Variants in DRD2 observed in about 807,000 individuals in gnomAD.
The protein encoded by DRD2 is dopamine receptor D2.
Under a neutral mutation model 38.0 loss-of-function variants are expected in DRD2, and 8 were observed. The observed-to-expected ratio is 0.21, with a 90% CI of 0.12 to 0.38. The LOEUF (loss-of-function observed/expected upper bound fraction) is 0.38. Among genes scored for constraint, DRD2 ranks in the 10% least tolerant of loss-of-function variants. The pLI, the probability that DRD2 is intolerant of heterozygous loss-of-function variation, is 1.00. For missense variants in DRD2, 403 were observed against 607.7 expected (o/e 0.66, Z 3.54); for synonymous variants, 230 against 238.6 (o/e 0.96, Z 0.33).
In DRD2 at chr11:113,412,671, A is replaced by G. The variant is rs1054271642; in HGVS notation, c.1023T>C (p.Phe341=). Residue 341 remains phenylalanine (F), a synonymous_variant, in exon 7 of 8, where the codon TTT becomes TTC. Transcript: ENST00000362072. ...AKDHPKIAKI[F]EIQTMPNGKT... is the part of the protein sequence containing the mutation. ...TGCCATTGGGCATGGTCTGGATCTC[A>G]AAGATCTTGGCAATCTTGGGGTGGT... 6.2e-6 allele frequency: 10 copies of G among 1,614,048 alleles called. No homozygotes were observed. In the African/African-American group the frequency reaches 1.3e-4, roughly 22 times the overall value.
chr11:113,433,460 C>A (rs959694692), intron 1 of DRD2, among the ~76,000 whole-genome samples: 1 of 152,156 alleles, frequency 6.6e-6, no homozygotes, highest in Admixed American at 6.5e-5. Context: ...AGGGAGTGGC[C>A]TGGACTACCA....
chr11:113,412,529 T>G lies in DRD2; in HGVS notation c.1138+27A>C, dbSNP rs765265618. The G allele has an allele frequency of 2.5e-6, 4 of 1,608,528 alleles. No homozygotes were observed. In the East Asian group the frequency reaches 6.7e-5, roughly 27 times the overall value. On this transcript the variant is annotated intron_variant, in intron 7 of 7. Coordinates refer to ENST00000362072, the MANE Select transcript of DRD2 (RefSeq NM_000795.4). The stretch of plus-strand genomic sequence containing the variant: ...GAATGGGACCTTTCACAGACCGGGC[T>G]GTGGCCAGCAGCCAGGGCCGACTCA...
intron 1 of DRD2, among the ~76,000 whole-genome samples, chr11:113,452,225 C>T (rs1276047028): frequency 6.6e-6 from 1 of 152,134 alleles, no homozygotes; most frequent in East Asian, 1.9e-4. Flanking sequence ...ACAACCTCTC[C>T]AGGAGTCAGA....
intron 1 of DRD2, 54 bp from the exon 2 acceptor site, chr11:113,424,736 C>A (rs1403614408): frequency 6.4e-7 from 1 of 1,562,866 alleles, no homozygotes. Context: ...TTGCAGAGGT[C>A]TCCAGGAAGA....
At chr11:113,451,445 C>T (rs1457571009) in intron 1 of DRD2, among the ~76,000 whole-genome samples, 5 of 152,030 alleles carry the variant, frequency 3.3e-5, no homozygotes, top group Admixed American at 2.0e-4. Flanking sequence ...ATTTCTTCCA[C>T]GTATATATGT....
intron 5 of DRD2, 120 bp from the exon 6 acceptor site, chr11:113,414,581 G>C (rs1950804150): frequency 5.0e-6 from 5 of 1,008,638 alleles, no homozygotes; most frequent in Non-Finnish European, 7.8e-6. Flanking sequence ...GATCAGGAGG[G>C]TGGGGGCCAG....
At chr11:113,455,657 G>T (rs1951262120) in intron 1 of DRD2, among the ~76,000 whole-genome samples, 1 of 152,112 alleles carries the variant, frequency 6.6e-6, no homozygotes, top group Admixed American at 6.6e-5. Context: ...AAAAAGACAT[G>T]CAAAAGGTCA....
At chr11:113,451,153 G>C (rs139117331) in intron 1 of DRD2, among the ~76,000 whole-genome samples, 1 of 152,180 alleles carries the variant, frequency 6.6e-6, no homozygotes, top group Non-Finnish European at 1.5e-5. Flanking sequence ...CCACTGCACA[G>C]GACTGGCTAG....
intron 1 of DRD2, among the ~76,000 whole-genome samples, chr11:113,457,416 T>C (rs1272351999): frequency 6.6e-6 from 1 of 152,180 alleles, no homozygotes; most frequent in East Asian, 1.9e-4. Flanking sequence ...TGTACAGTTC[T>C]ATTTCTGGGC....
intron 1 of DRD2, among the ~76,000 whole-genome samples, chr11:113,468,287 TA>T (rs558719729): frequency 1.0e-3 from 158 of 152,338 alleles, no homozygotes; most frequent in African/African-American, 3.7e-3. Context: ...CCCACAGGTT[TA>T]ACTACCATAT....
At chr11:113,412,127 G>A in intron 7 of DRD2, 1 of 248,294 alleles carries the variant, frequency 4.0e-6, no homozygotes, top group Non-Finnish European at 7.9e-6. Flanking sequence ...ACTTACATAT[G>A]GATAGTGCTT....
At chr11:113,431,224 G>C (rs909843258) in intron 1 of DRD2, among the ~76,000 whole-genome samples, 6 of 152,198 alleles carry the variant, frequency 3.9e-5, no homozygotes, top group African/African-American at 1.2e-4. Flanking sequence ...GTGTTTCCTG[G>C]GTGGAGGATG....
rs554922268 is a variant in DRD2, at chr11:113,432,093, T to G, written c.-31-7411A>C. On this transcript the variant is annotated intron_variant, in intron 1 of 7. Transcript: ENST00000362072. ...TGTATTGGAAGGGAAAAAAGCTCCT[T>G]TAAGGCTCAGCAGTTTGAGGCTGAC... Among the ~76,000 whole-genome samples, 13 of 152,300 alleles carry G rather than the reference T, an allele frequency of 8.5e-5. No homozygotes were observed. The South Asian group carries it at 1.5e-3, about 17-fold the overall frequency.
rs1246015560 is a variant in DRD2 at position 113,414,480 on chromosome 11, C to T, written c.724-19G>A. The stretch of plus-strand genomic sequence containing the variant: ...AGTTGCCCTGTGGAGTGAGCCAGCA[C>T]ATGGGTCACACAAAGTGGTGGGGAT... On this transcript the variant is annotated intron_variant, in intron 5 of 7. Coordinates refer to ENST00000362072, the MANE Select transcript of DRD2 (RefSeq NM_000795.4). 6.2e-7 allele frequency: 1 copy of T among 1,613,908 alleles called. No homozygotes were observed. The highest frequency in any genetic ancestry group is 8.5e-7 in the Non-Finnish European group (1 of 1,179,884).
chr11:113,411,612 A>T (rs777776660), intron 7 of DRD2: 1 of 152,490 alleles, frequency 6.6e-6, no homozygotes, highest in Non-Finnish European at 1.5e-5. Context: ...CTACAGGCAC[A>T]GGAGGCATCC....
chr11:113,429,539 C>T (rs1290831608), intron 1 of DRD2, among the ~76,000 whole-genome samples: 1 of 152,108 alleles, frequency 6.6e-6, no homozygotes, highest in African/African-American at 2.4e-5. Context: ...GCCACCGCAC[C>T]CGGCCAGTAC....
intron 5 of DRD2, 28 bp from the exon 6 acceptor site, chr11:113,414,489 C>T: frequency 6.2e-7 from 1 of 1,613,712 alleles, no homozygotes; most frequent in Non-Finnish European, 8.5e-7. Flanking sequence ...ACATGGGTCA[C>T]ACAAAGTGGT....
chr11:113,465,411 G>GTTTGTTTGT (rs1555168769), intron 1 of DRD2, among the ~76,000 whole-genome samples: 1 of 150,506 alleles, frequency 6.6e-6, no homozygotes, highest in Non-Finnish European at 1.5e-5. Flanking sequence ...TGTTGTTGTT[G>GTTTGTTTGT]TTGTTTGTTT....
At chr11:113,417,847 T>A (rs1950841548) in intron 3 of DRD2, among the ~76,000 whole-genome samples, 180 bp downstream of exon 3, 1 of 152,160 alleles carries the variant, frequency 6.6e-6, no homozygotes, top group African/African-American at 2.4e-5. Flanking sequence ...TTAGGGAGTG[T>A]GTGCTCTCCT....
Sources: allele counts gnomAD v4.1 joint callset (sites outside exome capture counted in the v4.1 genomes callset), GRCh38; gene constraint gnomAD v4.1.1; transcripts MANE v1.5; gene names NCBI Gene and HGNC (gene_info 2026-07-23, HGNC 2026-07-21).